The following USP19 variants were observed in gnomAD, a reference collection of about 807,000 sequenced individuals.
USP19 encodes the protein ubiquitin specific peptidase 19.
In USP19, 40 loss-of-function variants were observed where a neutral mutation model predicts 144.8. The ratio of observed to expected loss-of-function variants is 0.28; its 90% CI spans 0.21 to 0.36. The LOEUF (loss-of-function observed/expected upper bound fraction) is 0.36, where lower values mean the gene tolerates loss of function less well. Ranked by LOEUF, USP19 falls within the 10% of genes least tolerant of loss-of-function variation. USP19 has a pLI of 1.00. For synonymous variants in USP19, 701 were observed against 709.3 expected (o/e 0.99, Z 0.19); for missense variants, 1,518 against 1,822.5 (o/e 0.83, Z 3.04).
Position 49,110,580 on chromosome 3 carries a change from G to A in USP19, c.3723C>T (p.Cys1241=). 1 of 1,613,990 alleles carries A rather than the reference G, an allele frequency of 6.2e-7. No individual in the cohort carries two copies. Among genetic ancestry groups the A allele is most frequent in the South Asian group, 1.1e-5 (1 of 91,076 alleles). ...GCAGCTGCTCCTCTTTCTGACCAAT[G>A]CAGAACTTGCTCAGGTCCAGGTTCC... ...PVRNLDLSKF[C]IGQKEEQLPS... Residue 1241 remains cysteine (C), a synonymous_variant, in exon 25 of 27, where the codon TGC becomes TGT. Transcript: ENST00000417901. The surrounding 1 kb of genome is among the most constrained non-coding windows in gnomAD (Gnocchi z 6.1).
At position 49,109,634 on chromosome 3, in the gene USP19, C is replaced by T. The variant is rs553342815; in HGVS notation, c.4038+550G>A. ...AGAGAGGATGGAGCCAGAAAGGAGA[C>T]GGCCAGTCCAGAAAAGAGATGTGCC... On this transcript the variant is annotated intron_variant, in intron 26 of 26. Transcript: ENST00000417901. 2.7e-3 allele frequency among the ~76,000 whole-genome samples: 405 copies of T among 152,350 alleles called. 3 individuals carry two copies. Among genetic ancestry groups the T allele is most frequent in the African/African-American group, 9.2e-3 (384 of 41,580 alleles).
Position 49,113,911 on chromosome 3 carries a change from A to G in USP19, c.2505+81T>C, listed in dbSNP as rs544835311. On this transcript the variant is annotated intron_variant, in intron 17 of 26. Coordinates refer to ENST00000417901, the MANE Select transcript of USP19 (RefSeq NM_001199161.2). ...GCCCAGCCCATGTGTATGTCTGTAG[A>G]TGCCAATGACTGTACACACGTCTGT... The G allele has an allele frequency of 1.2e-5, 18 of 1,461,134 alleles. No individual in the cohort carries two copies. In the African/African-American group the frequency reaches 1.3e-4, roughly 10 times the overall value. The allele number at this position is 1,461,134 out of a possible 1,614,324, so 90.5% of individuals were successfully genotyped here. A position where few individuals can be genotyped will look rare whatever the true frequency, so the allele number is the denominator to read the frequency against.
rs368561567 is a variant in USP19, at chr3:49,115,387, G to A, written c.1889-26C>T. ...CTAGGAATAGTAGCCGAGCAAAGGT[G>A]TGAGGAACAAAGGCACTCTCTCTGC... On this transcript the variant is annotated intron_variant, in intron 12 of 26. Coordinates refer to ENST00000417901, the MANE Select transcript of USP19 (RefSeq NM_001199161.2). This position sits in a 1 kb window ranked among gnomAD's most constrained non-coding sequence, Gnocchi z 6.6. 35 of 1,612,976 alleles carry A rather than the reference G, an allele frequency of 2.2e-5. No individual in the cohort carries two copies. Among genetic ancestry groups the A allele is most frequent in the Non-Finnish European group, 2.7e-5 (32 of 1,179,996 alleles).
Position 49,119,177 on chromosome 3 carries a change from C to G in USP19, c.-32G>C. 1 of 1,600,602 alleles carries G rather than the reference C, an allele frequency of 6.2e-7. No homozygotes were observed. On this transcript the variant is annotated 5_prime_UTR_variant, in exon 2 of 27. Coordinates refer to ENST00000417901, the MANE Select transcript of USP19 (RefSeq NM_001199161.2). ...CCGCTTGGTCGACAGCCAGAGTGCC[C>G]CGGGGTCGGCAACAGCGTCTGGGTC...
rs1438932619 is a variant in USP19 at position 49,110,721 on chromosome 3, A to G, written c.3688T>C (p.Phe1230Leu). Reference protein sequence around the residue: ...WRDKINDLVEFPVRNLDLSKF... With the variant: ...WRDKINDLVELPVRNLDLSKF... ...AGGTCCACTGCTTACCTAACAGGGA[A>G]CTCCACCAAGTCATTGATCTTGTCA... The change falls in exon 24 of 27, where the codon TTC becomes CTC. Residue 1230 changes from phenylalanine to leucine, a missense_variant. By Grantham distance (22) the Phe-to-Leu change is conservative (BLOSUM62 0). Around this residue, in one of 5 missense-constraint regions of USP19, gnomAD observed 122 missense variants for 200.4 expected, o/e 0.61. Transcript: ENST00000417901. This position sits in a 1 kb window ranked among gnomAD's most constrained non-coding sequence, Gnocchi z 6.1. 8 of 1,613,754 alleles carry G rather than the reference A, an allele frequency of 5.0e-6. No homozygotes were observed. The highest frequency in any genetic ancestry group is 6.8e-6 in the Non-Finnish European group (8 of 1,179,966).
chr3:49,119,974 A>G (rs2044903345), intron 1 of USP19, among the ~76,000 whole-genome samples: 1 of 152,194 alleles, frequency 6.6e-6, no homozygotes, highest in African/African-American at 2.4e-5. Context: ...TCCAGTACTA[A>G]GGCAGGATGG....
Position 49,115,953 on chromosome 3 carries a change from G to A in USP19, c.1472-9C>T. 6.4e-7 allele frequency: 1 copy of A among 1,553,682 alleles called. No homozygotes were observed. The highest frequency in any genetic ancestry group is 8.7e-7 in the Non-Finnish European group (1 of 1,152,528). ...TGCACCACCCACTGCACCTTAAAAAGGGGGAATGAGAGGGCTGGTGGTTAG... is the reference window on the plus strand; with the variant it reads ...TGCACCACCCACTGCACCTTAAAAAAGGGGAATGAGAGGGCTGGTGGTTAG... On this transcript the variant is annotated splice_polypyrimidine_tract_variant and intron_variant, in intron 10 of 26. Transcript: ENST00000417901. The surrounding 1 kb of genome is among the most constrained non-coding windows in gnomAD (Gnocchi z 6.6).
Position 49,118,021 on chromosome 3 carries a change from C to T in USP19, c.224G>A (p.Arg75His), listed in dbSNP as rs2044464484. The change falls in exon 3 of 27, where the codon CGC becomes CAC. Residue 75 changes from arginine to histidine, a missense_variant. Arg to His is a conservative substitution (Grantham distance 29). Coordinates refer to ENST00000417901, the MANE Select transcript of USP19 (RefSeq NM_001199161.2). Reference protein sequence around the residue: ...ASHAAGITGSRHRTRLFFPSS... With the variant: ...ASHAAGITGSHHRTRLFFPSS... Reference sequence around the variant, plus strand: ...AGGAAAGAACAGCCGGGTACGGTGGCGTGAGCCTGTGATCCCAGCTGCATG... The same window carrying T: ...AGGAAAGAACAGCCGGGTACGGTGGTGTGAGCCTGTGATCCCAGCTGCATG... The T allele has an allele frequency of 2.5e-6, 4 of 1,602,752 alleles. No individual in the cohort carries two copies. The highest frequency in any genetic ancestry group is 3.4e-6 in the Non-Finnish European group (4 of 1,177,394).
In USP19 at chr3:49,117,582, G is replaced by A; in HGVS notation, c.473-12C>T. ...CCACTGCTGACCACCTGGGGACAGAGCAGGGTCCATGAGGTAGGATAGGAG... is the reference window on the plus strand; with the variant it reads ...CCACTGCTGACCACCTGGGGACAGAACAGGGTCCATGAGGTAGGATAGGAG... On this transcript the variant is annotated splice_polypyrimidine_tract_variant and intron_variant, in intron 4 of 26. Transcript: ENST00000417901. The surrounding 1 kb of genome is among the most constrained non-coding windows in gnomAD (Gnocchi z 4.4). 1 of 1,614,144 alleles carries A rather than the reference G, an allele frequency of 6.2e-7. No individual in the cohort carries two copies. The highest frequency in any genetic ancestry group is 8.5e-7 in the Non-Finnish European group (1 of 1,180,030).
Position 49,108,389 on chromosome 3 carries a change from C to G in USP19, c.*23G>C. ...TCTGTGTGGGTGTCCCAAACCCAGT[C>G]CCCCCCATCAGCCAGGGACCTGCTA... On this transcript the variant is annotated 3_prime_UTR_variant, in exon 27 of 27. Coordinates refer to ENST00000417901, the MANE Select transcript of USP19 (RefSeq NM_001199161.2). The surrounding 1 kb of genome is among the most constrained non-coding windows in gnomAD (Gnocchi z 4.8). 9.7e-7 allele frequency: 1 copy of G among 1,026,378 alleles called. No individual in the cohort carries two copies. The highest frequency in any genetic ancestry group is 1.4e-6 in the Non-Finnish European group (1 of 732,166). 63.6% of individuals were successfully genotyped at this position (1,026,378 alleles called of 1,614,324 possible).
rs4292260 is a variant in USP19, at chr3:49,111,457, T to C, written c.3217+43A>G. On this transcript the variant is annotated intron_variant, in intron 21 of 26. Transcript: ENST00000417901. The surrounding 1 kb of genome is among the most constrained non-coding windows in gnomAD (Gnocchi z 5.9). ...AAACAACAGCCCCCTCCATCCTCCCTTATCCTCCTCCCCAGCTTCTAGAGC... is the reference window on the plus strand; with the variant it reads ...AAACAACAGCCCCCTCCATCCTCCCCTATCCTCCTCCCCAGCTTCTAGAGC... 1,279,343 of 1,612,252 alleles carry C rather than the reference T, an allele frequency of 0.79. 510,954 individuals are homozygous for C. Among genetic ancestry groups the C allele is most frequent in the East Asian group, 1 (44,857 of 44,870 alleles).
In USP19 at chr3:49,110,031, G is replaced by A. The variant is rs548828316; in HGVS notation, c.4038+153C>T. ...TCCCCAAGGCATGGGGATGCCTCTG[G>A]CTAAAGCTTTGATGTTAAGAGAACT... On this transcript the variant is annotated intron_variant, in intron 26 of 26. Coordinates refer to ENST00000417901, the MANE Select transcript of USP19 (RefSeq NM_001199161.2). This position sits in a 1 kb window ranked among gnomAD's most constrained non-coding sequence, Gnocchi z 6.1. 2.2e-6 allele frequency: 2 copies of A among 910,528 alleles called. No homozygotes were observed. Among genetic ancestry groups the A allele is most frequent in the Non-Finnish European group, 3.0e-6 (2 of 657,092 alleles). 56.4% of individuals were successfully genotyped at this position (910,528 alleles called of 1,614,324 possible). A position where few individuals can be genotyped will look rare whatever the true frequency, so the allele number is the denominator to read the frequency against.
rs978502539 is a variant in USP19 at position 49,109,133 on chromosome 3, C to A, written c.4039-605G>T. 3.9e-6 allele frequency: 6 copies of A among 1,529,154 alleles called. No individual in the cohort carries two copies. The African/African-American group carries it at 8.4e-5, about 21-fold the overall frequency. The allele number at this position is 1,529,154 out of a possible 1,614,324, so 94.7% of individuals were successfully genotyped here. ...CCCCCAGGGACCCAGGGGCCCAGACCCCTCAGGCACCGGCTCCTCCTCAGC... is the reference window on the plus strand; with the variant it reads ...CCCCCAGGGACCCAGGGGCCCAGACACCTCAGGCACCGGCTCCTCCTCAGC... On this transcript the variant is annotated intron_variant, in intron 26 of 26. Transcript: ENST00000417901.
Position 49,108,593 on chromosome 3 carries a change from G to GGGGAGGA in USP19, c.4039-66_4039-65insTCCTCCC. The GGGGAGGA allele has an allele frequency of 4.0e-6, 5 of 1,260,956 alleles. No homozygotes were observed. Among genetic ancestry groups the GGGGAGGA allele is most frequent in the Admixed American group, 7.8e-5 (2 of 25,766 alleles). 78.1% of individuals were successfully genotyped at this position (1,260,956 alleles called of 1,614,324 possible). On this transcript the variant is annotated intron_variant, in intron 26 of 26. Transcript: ENST00000417901. This position sits in a 1 kb window ranked among gnomAD's most constrained non-coding sequence, Gnocchi z 4.8. ...GCATGCCGCCTGGCATCCCGGGGGTGCTGGCTTGGAGCCCTGGCACCCAAG... is the reference window on the plus strand; with the variant it reads ...GCATGCCGCCTGGCATCCCGGGGGTGGGGAGGACTGGCTTGGAGCCCTGGCACCCAAG...
At position 49,116,182 on chromosome 3, in the gene USP19, T is replaced by A; in HGVS notation, c.1356-20A>T. 1 of 1,613,854 alleles carries A rather than the reference T, an allele frequency of 6.2e-7. No homozygotes were observed. Among genetic ancestry groups the A allele is most frequent in the Non-Finnish European group, 8.5e-7 (1 of 1,179,894 alleles). On this transcript the variant is annotated intron_variant, in intron 9 of 26. Coordinates refer to ENST00000417901, the MANE Select transcript of USP19 (RefSeq NM_001199161.2). The surrounding 1 kb of genome is among the most constrained non-coding windows in gnomAD (Gnocchi z 5.0). Reference sequence around the variant, plus strand: ...AGATTCCTGTGGGAAAAGGCTGAACTCAGGGACTTAGGAGGAATGAGCATC... The same window carrying A: ...AGATTCCTGTGGGAAAAGGCTGAACACAGGGACTTAGGAGGAATGAGCATC...
At position 49,116,669 on chromosome 3, in the gene USP19, T is replaced by C; in HGVS notation, c.1126+58A>G. The C allele has an allele frequency of 6.2e-6, 10 of 1,610,106 alleles. No individual in the cohort carries two copies. Among genetic ancestry groups the C allele is most frequent in the Non-Finnish European group, 7.6e-6 (9 of 1,177,504 alleles). ...GGTTCCAGCCTATTGCTACTCTCTA[T>C]CCACCTACAAACTTTGCAACCCAAC... is the stretch of plus-strand genomic sequence containing the variant. On this transcript the variant is annotated intron_variant, in intron 7 of 26. Transcript: ENST00000417901. The surrounding 1 kb of genome is among the most constrained non-coding windows in gnomAD (Gnocchi z 5.0).
chr3:49,110,642 C>A lies in USP19; in HGVS notation c.3699-38G>T. 6.2e-7 allele frequency: 1 copy of A among 1,611,608 alleles called. No individual in the cohort carries two copies. The highest frequency in any genetic ancestry group is 1.3e-5 in the African/African-American group (1 of 75,026). ...TCCAGTCAGGGAGGGGTGAGACAGG[C>A]AACAGGCGCTCAGGATGCCCATCCT... is the stretch of plus-strand genomic sequence containing the variant. On this transcript the variant is annotated intron_variant, in intron 24 of 26. Transcript: ENST00000417901. The surrounding 1 kb of genome is among the most constrained non-coding windows in gnomAD (Gnocchi z 6.1).
At chr3:49,113,112 C>T (rs1177236570) in intron 17 of USP19, among the ~76,000 whole-genome samples, 7 of 152,108 alleles carry the variant, frequency 4.6e-5, no homozygotes, top group Non-Finnish European at 8.8e-5. Flanking sequence ...AGCTCAAGCT[C>T]CTTGTCTAAA....
Position 49,110,475 on chromosome 3 carries a change from G to A in USP19, c.3828C>T (p.Pro1276=). 1.2e-6 allele frequency: 2 copies of A among 1,614,120 alleles called. No homozygotes were observed. Among genetic ancestry groups the A allele is most frequent in the Non-Finnish European group, 1.7e-6 (2 of 1,180,016 alleles). Residue 1276 remains proline, a synonymous_variant, in exon 25 of 27, where the codon CCC becomes CCT. Coordinates refer to ENST00000417901, the MANE Select transcript of USP19 (RefSeq NM_001199161.2). The surrounding 1 kb of genome is among the most constrained non-coding windows in gnomAD (Gnocchi z 6.1). The part of the protein sequence containing the change: ...GGHYTACARL[P]NDRSSQRSDV... ...CACTGCGCTGACTGCTACGATCATT[G>A]GGCAGGCGTGCACAGGCAGTGTAGT...
Sources: gnomAD v4.1 joint callset for allele counts (sites outside exome capture counted in the v4.1 genomes callset) on GRCh38, gnomAD v4.1.1 for gene constraint, gnomAD v4.1.1 regional missense constraint, Gnocchi (gnomAD v3.1) non-coding constraint, MANE v1.5 for transcripts, NCBI Gene and HGNC (gene_info 2026-07-23, HGNC 2026-07-21) for gene names.